Variants in PDE4D observed in about 807,000 individuals in gnomAD.
PDE4D encodes the protein phosphodiesterase 4D, also known as 3',5'-cyclic-AMP phosphodiesterase 4D.
PDE4D carries 24 observed loss-of-function variants against 87.4 expected under a neutral mutation model. That is an observed-to-expected ratio of 0.27 (90% CI 0.20 to 0.39). PDE4D has a LOEUF of 0.39. Ranked by LOEUF, PDE4D falls within the 10% of genes least tolerant of loss-of-function variation. PDE4D has a pLI of 1.00. For synonymous variants in PDE4D, 384 were observed against 383.2 expected (o/e 1.00, Z -0.02); for missense variants, 714 against 1,041.0 (o/e 0.69, Z 4.32).
At chr5:59,110,380 C>T (rs1772401500) in intron 5 of PDE4D, among the ~76,000 whole-genome samples, 1 of 152,032 alleles carries the variant, frequency 6.6e-6, no homozygotes, top group African/African-American at 2.4e-5. Context: ...TAGGCGATAC[C>T]CCTAGTAACT....
chr5:59,710,416 A>C (rs1309447941), intron 1 of PDE4D, among the ~76,000 whole-genome samples: 1 of 152,196 alleles, frequency 6.6e-6, no homozygotes, highest in Non-Finnish European at 1.5e-5. Context: ...GGGATTCATG[A>C]AGATGGCAGA....
Position 60,234,929 on chromosome 5 carries a change from C to T in PDE4D, c.-89-49242G>A, listed in dbSNP as rs148447036. On this transcript the variant is annotated intron_variant, in intron 1 of 16. Coordinates refer to the PDE4D transcript ENST00000502484. ...AGCCAGAAGAAGTAAACAAAGAAGA[C>T]GAAATTGACGTCCTGTTGCTAATTT... 6.5e-3 allele frequency among the ~76,000 whole-genome samples: 984 copies of T among 151,788 alleles called. 11 individuals are homozygous for T. The highest frequency in any genetic ancestry group is 0.022 in the African/African-American group (933 of 41,478).
chr5:60,430,076 G>C, intron 1 of PDE4D: 1 of 523,918 alleles, frequency 1.9e-6, no homozygotes, highest in Non-Finnish European at 3.8e-6. Flanking sequence ...GCTTTGTTGA[G>C]CCTGGTATCA....
At chr5:59,861,517 A>T (rs1746285557) in intron 1 of PDE4D, among the ~76,000 whole-genome samples, 1 of 152,248 alleles carries the variant, frequency 6.6e-6, no homozygotes, top group Non-Finnish European at 1.5e-5. Flanking sequence ...TACATGGAGC[A>T]ACCATTCGAA....
chr5:59,269,794 T>C (rs1763482432), intron 1 of PDE4D, among the ~76,000 whole-genome samples: 1 of 152,064 alleles, frequency 6.6e-6, no homozygotes, highest in Non-Finnish European at 1.5e-5. Flanking sequence ...ATATTGAATT[T>C]ATATATGATT....
intron 2 of PDE4D, among the ~76,000 whole-genome samples, chr5:60,109,956 A>T (rs538893960): frequency 6.6e-6 from 1 of 152,136 alleles, no homozygotes; most frequent in East Asian, 1.9e-4. Flanking sequence ...GCACATGTAT[A>T]CATATGTAAC....
chr5:60,383,399 T>C (rs1381906683), intron 1 of PDE4D, among the ~76,000 whole-genome samples: 3 of 152,198 alleles, frequency 2.0e-5, no homozygotes, highest in Non-Finnish European at 4.4e-5. Context: ...CAGAAAGCAA[T>C]TGCCTAATGG....
At chr5:59,471,587 A>G (rs1301283126) in intron 1 of PDE4D, among the ~76,000 whole-genome samples, 2 of 152,234 alleles carry the variant, frequency 1.3e-5, no homozygotes, top group African/African-American at 4.8e-5. Flanking sequence ...TGTAAATCCT[A>G]AGGATCTTCC....
chr5:59,448,057 A>G (rs1798600110), intron 1 of PDE4D, among the ~76,000 whole-genome samples: 1 of 152,226 alleles, frequency 6.6e-6, no homozygotes, highest in African/African-American at 2.4e-5. Context: ...TAATTAGTCA[A>G]AATAAGCTGA....
intron 3 of PDE4D, among the ~76,000 whole-genome samples, chr5:59,978,215 C>T (rs999329223): frequency 6.6e-6 from 1 of 152,150 alleles, no homozygotes; most frequent in Non-Finnish European, 1.5e-5. Flanking sequence ...CTATGATAGA[C>T]ACTTATTTCT....
intron 2 of PDE4D, among the ~76,000 whole-genome samples, chr5:60,071,567 G>T (rs1264791587): frequency 4.6e-5 from 7 of 152,068 alleles, no homozygotes; most frequent in Admixed American, 4.6e-4. Flanking sequence ...CCATTGGCCA[G>T]TAAAACAATT....
chr5:59,098,733 A>C (rs1420703470), intron 5 of PDE4D, among the ~76,000 whole-genome samples: 1 of 151,702 alleles, frequency 6.6e-6, no homozygotes, highest in Admixed American at 6.6e-5. Context: ...AAGGAAAAAG[A>C]AAAGTAAAGA....
At position 59,203,622 on chromosome 5, in the gene PDE4D, T is replaced by TACACAC. The variant is rs145207501; in HGVS notation, c.648-10087_648-10086insGTGTGT. Among the ~76,000 whole-genome samples the TACACAC allele has an allele frequency of 5.7e-3, 856 of 150,116 alleles. 5 individuals carry two copies. The highest frequency in any genetic ancestry group is 0.02 in the African/African-American group (803 of 40,638). ...CAACAGATGAATAAAGAAAATGTTA[T>TACACAC]ATACACACACACACACACACACTAG... is the stretch of plus-strand genomic sequence containing the variant. On this transcript the variant is annotated intron_variant, in intron 2 of 14. Coordinates refer to ENST00000340635, the MANE Select transcript of PDE4D (RefSeq NM_001104631.2).
At chr5:59,797,337 C>T (rs1234527295) in intron 1 of PDE4D, among the ~76,000 whole-genome samples, 1 of 152,156 alleles carries the variant, frequency 6.6e-6, no homozygotes, top group Non-Finnish European at 1.5e-5. Flanking sequence ...TGGCTTTGCA[C>T]TAAGAGGATC....
intron 3 of PDE4D, among the ~76,000 whole-genome samples, chr5:59,185,715 T>G (rs562456490): frequency 6.6e-6 from 1 of 152,252 alleles, no homozygotes; most frequent in Non-Finnish European, 1.5e-5. Context: ...AATTTTAAAC[T>G]GTTTTTCTAC....
At chr5:59,179,679 A>G in intron 5 of PDE4D, 1 of 459,070 alleles carries the variant, frequency 2.2e-6, no homozygotes, top group South Asian at 1.6e-5. Context: ...TGTACTCACT[A>G]ATAACTTAAT....
At chr5:59,667,776 T>G (rs1255667075) in intron 1 of PDE4D, among the ~76,000 whole-genome samples, 1 of 152,208 alleles carries the variant, frequency 6.6e-6, no homozygotes, top group Non-Finnish European at 1.5e-5. Flanking sequence ...TTGCTGAGTC[T>G]AACCCACTAG....
chr5:59,557,505 C>T (rs890906939), intron 1 of PDE4D, among the ~76,000 whole-genome samples: 3 of 151,846 alleles, frequency 2.0e-5, no homozygotes, highest in Admixed American at 1.3e-4. Context: ...AAGATTGTGG[C>T]CAGGTTTTTT....
At chr5:58,993,578 A>G (rs1580157935) in intron 6 of PDE4D, 113 bp from the exon 7 acceptor site, 2 of 623,030 alleles carry the variant, frequency 3.2e-6, no homozygotes, top group Non-Finnish European at 5.5e-6. Flanking sequence ...AGTTGTCCTG[A>G]CAATTTAGAA....
Sources: allele counts gnomAD v4.1 joint callset (sites outside exome capture counted in the v4.1 genomes callset), GRCh38; gene constraint gnomAD v4.1.1; transcripts MANE v1.5; gene names NCBI Gene and HGNC (gene_info 2026-07-23, HGNC 2026-07-21).